The following ZNF585A variants were observed in gnomAD, a reference collection of about 807,000 sequenced individuals.
ZNF585A encodes the protein zinc finger protein 585A.
ZNF585A carries 9 observed loss-of-function variants against 14.9 expected under a neutral mutation model. The ratio of observed to expected loss-of-function variants is 0.60; its 90% CI spans 0.36 to 1.05. ZNF585A has a LOEUF of 1.05. ZNF585A is among the 50% of genes least tolerant of loss of function. The probability of loss-of-function intolerance (pLI) is 0.01; values close to 1 mark genes in which losing one functional copy is unlikely to be tolerated. For synonymous variants in ZNF585A, 276 were observed against 319.9 expected (o/e 0.86, Z 1.46); for missense variants, 726 against 926.4 (o/e 0.78, Z 2.81).
At chr19:37,156,014 C>G (rs1568495038) in intron 3 of ZNF585A, 57 bp from the exon 4 acceptor site, 1 of 1,607,710 alleles carries the variant, frequency 6.2e-7, no homozygotes, top group South Asian at 1.1e-5. Context: ...CAGGGCCCAA[C>G]CAATAATCTC....
At chr19:37,167,223 G>A (rs1005839737) in intron 2 of ZNF585A, among the ~76,000 whole-genome samples, 5 of 152,178 alleles carry the variant, frequency 3.3e-5, no homozygotes, top group Non-Finnish European at 7.3e-5. Context: ...CGCCTGGGCT[G>A]AAGTGCAGTG....
At chr19:37,154,125 A>G (rs1229248708) in intron 4 of ZNF585A, among the ~76,000 whole-genome samples, 2 of 152,216 alleles carry the variant, frequency 1.3e-5, no homozygotes, top group African/African-American at 4.8e-5. Flanking sequence ...ACACAGAGAA[A>G]AGGGTGAGGG....
In ZNF585A at chr19:37,164,159, C is replaced by G. The variant is rs188336145; in HGVS notation, c.72+5680G>C. 2.8e-3 allele frequency among the ~76,000 whole-genome samples: 426 copies of G among 152,264 alleles called. 3 individuals carry two copies. The highest frequency in any genetic ancestry group is 9.8e-3 in the African/African-American group (409 of 41,556). ...AAAGGCCGGGCGTGGTGGCTCATGC[C>G]TATAATCCCAGCACTTTGGGAGGCC... is the stretch of plus-strand genomic sequence containing the variant. On this transcript the variant is annotated intron_variant, in intron 2 of 4. Transcript: ENST00000292841.
chr19:37,160,268 G>A (rs954158169), intron 2 of ZNF585A, among the ~76,000 whole-genome samples: 1 of 151,698 alleles, frequency 6.6e-6, no homozygotes, highest in African/African-American at 2.4e-5. Context: ...TTGAGCCTGG[G>A]AAGGCAGAGG....
At chr19:37,157,604 T>C (rs966380991) in intron 2 of ZNF585A, among the ~76,000 whole-genome samples, 2 of 152,040 alleles carry the variant, frequency 1.3e-5, no homozygotes, top group African/African-American at 4.8e-5. Context: ...AGATACAAAG[T>C]GTAACCCAGA....
intron 2 of ZNF585A, among the ~76,000 whole-genome samples, chr19:37,165,962 T>TC (rs369948497): frequency 1.2e-4 from 18 of 152,240 alleles, no homozygotes; most frequent in African/African-American, 4.1e-4. Flanking sequence ...TGTATAATAT[T>TC]CATTCATGAT....
chr19:37,163,291 T>A (rs910954320), intron 2 of ZNF585A, among the ~76,000 whole-genome samples: 47 of 151,108 alleles, frequency 3.1e-4, no homozygotes, highest in African/African-American at 1.1e-3. Flanking sequence ...TTAAGAAGAA[T>A]ACACTAGAAA....
chr19:37,149,361 A>G lies in ZNF585A; in HGVS notation c.*2228T>C, dbSNP rs1393214039. The G allele has an allele frequency of 6.6e-6, 1 of 152,234 alleles. No homozygotes were observed. The highest frequency in any genetic ancestry group is 1.5e-5 in the Non-Finnish European group (1 of 68,040). 9.4% of individuals were successfully genotyped at this position (152,234 alleles called of 1,614,324 possible). A position where few individuals can be genotyped will look rare whatever the true frequency, so the allele number is the denominator to read the frequency against. On this transcript the variant is annotated 3_prime_UTR_variant, in exon 5 of 5. Transcript: ENST00000292841. ...CGTATATACGGGTATATGCATATAC[A>G]TATACGTAAGTATTATAATATTGTT...
chr19:37,152,852 A>G lies in ZNF585A; in HGVS notation c.1047T>C (p.Ser349=), dbSNP rs148815956. Residue 349 remains serine (S), a synonymous_variant, in exon 5 of 5, where the codon AGT becomes AGC. Coordinates refer to ENST00000292841, the MANE Select transcript of ZNF585A (RefSeq NM_001288800.2). The part of the protein sequence containing the change: ...SNLVTHKKVQ[S]REKSSICTEC... ...CAGTACATATGGAAGATTTCTCTCT[A>G]CTTTGAACTTTCTTATGTGTAACGA... 55 of 1,614,178 alleles carry G rather than the reference A, an allele frequency of 3.4e-5. No homozygotes were observed. The African/African-American group carries it at 5.3e-4, about 16-fold the overall frequency.
rs1207582878 is a variant in ZNF585A at position 37,145,666 on chromosome 19, G to A, written c.*5923C>T. ...AGCACAATTTTTTGTTTTAATAGCA[G>A]CATTCCTTGTTATAATAAATATTAA... On this transcript the variant is annotated 3_prime_UTR_variant, in exon 5 of 5. Transcript: ENST00000292841. 6.6e-6 allele frequency: 1 copy of A among 152,156 alleles called. No individual in the cohort carries two copies. The highest frequency in any genetic ancestry group is 1.5e-5 in the Non-Finnish European group (1 of 68,036). The allele number at this position is 152,156 out of a possible 1,614,324, so 9.4% of individuals were successfully genotyped here.
At chr19:37,155,067 CT>C (rs1971904008) in intron 4 of ZNF585A, among the ~76,000 whole-genome samples, 1 of 144,292 alleles carries the variant, frequency 6.9e-6, no homozygotes, top group South Asian at 2.2e-4. Flanking sequence ...GTGGCGCGAT[CT>C]CGGCTCACTG....
At chr19:37,169,687 GAAGATC>G (rs1480216375) in intron 2 of ZNF585A, among the ~76,000 whole-genome samples, 146 bp downstream of exon 2, 1 of 152,160 alleles carries the variant, frequency 6.6e-6, no homozygotes, top group East Asian at 1.9e-4. Flanking sequence ...TTCTCAACAG[GAAGATC>G]AAGATTTGTT....
At chr19:37,169,575 T>C (rs1020148182) in intron 2 of ZNF585A, among the ~76,000 whole-genome samples, 3 of 152,170 alleles carry the variant, frequency 2.0e-5, no homozygotes, top group African/African-American at 7.2e-5. Context: ...AAGATCAATG[T>C]AGTGTGATGA....
chr19:37,158,140 C>G lies in ZNF585A; in HGVS notation c.73-1785G>C, dbSNP rs547158938. ...TGACCTCACGATCTACCTGCCTCGGCCTCCCAAAGTGGTGGGATTACTGGC... is the reference window on the plus strand; with the variant it reads ...TGACCTCACGATCTACCTGCCTCGGGCTCCCAAAGTGGTGGGATTACTGGC... On this transcript the variant is annotated intron_variant, in intron 2 of 4. Coordinates refer to ENST00000292841, the MANE Select transcript of ZNF585A (RefSeq NM_001288800.2). Among the ~76,000 whole-genome samples the G allele has an allele frequency of 2.6e-5, 4 of 152,214 alleles. No individual in the cohort carries two copies. The East Asian group carries it at 7.8e-4, about 29-fold the overall frequency.
At chr19:37,168,727 C>T (rs1315864793) in intron 2 of ZNF585A, among the ~76,000 whole-genome samples, 8 of 152,178 alleles carry the variant, frequency 5.3e-5, no homozygotes, top group Non-Finnish European at 1.2e-4. Flanking sequence ...TCTACTACAA[C>T]TTACACATGC....
At position 37,151,985 on chromosome 19, in the gene ZNF585A, C is replaced by T. The variant is rs767734496; in HGVS notation, c.1914G>A (p.Glu638=). 6.2e-7 allele frequency: 1 copy of T among 1,614,046 alleles called. No homozygotes were observed. The highest frequency in any genetic ancestry group is 8.5e-7 in the Non-Finnish European group (1 of 1,180,010). Residue 638 remains glutamate (E), a synonymous_variant, in exon 5 of 5, where the codon GAG becomes GAA. Transcript: ENST00000292841. ...HTGEKPYVCA[E]CGKAFSGRSN... ...ACCTGCCACTAAAGGCCTTCCCGCACTCGGCACACACATAGGGTTTCTCTC... is the reference window on the plus strand; with the variant it reads ...ACCTGCCACTAAAGGCCTTCCCGCATTCGGCACACACATAGGGTTTCTCTC...
chr19:37,152,848 C>T lies in ZNF585A; in HGVS notation c.1051G>A (p.Glu351Lys), dbSNP rs766471134. The T allele has an allele frequency of 3.7e-6, 6 of 1,614,064 alleles. No individual in the cohort carries two copies. Among genetic ancestry groups the T allele is most frequent in the Non-Finnish European group, 5.1e-6 (6 of 1,180,054 alleles). The change falls in exon 5 of 5, where the codon GAG (glutamate) becomes AAG (lysine). Residue 351 changes from glutamate to lysine, a missense_variant. By Grantham distance (56) the Glu-to-Lys change is moderately conservative (BLOSUM62 1). Transcript: ENST00000292841. ...CACTCAGTACATATGGAAGATTTCT[C>T]TCTACTTTGAACTTTCTTATGTGTA... is the stretch of plus-strand genomic sequence containing the variant. ...LVTHKKVQSR[E>K]KSSICTECGK...
chr19:37,158,782 T>C (rs1971968785), intron 2 of ZNF585A, among the ~76,000 whole-genome samples: 1 of 152,212 alleles, frequency 6.6e-6, no homozygotes, highest in African/African-American at 2.4e-5. Context: ...AAGGAATTAC[T>C]GTTATTTTGT....
intron 2 of ZNF585A, among the ~76,000 whole-genome samples, chr19:37,159,446 G>C (rs1202842854): frequency 2.6e-5 from 4 of 152,030 alleles, no homozygotes; most frequent in African/African-American, 9.7e-5. Context: ...ACAATGAAAG[G>C]AATGCCTATT....
Sources: gnomAD v4.1 joint callset for allele counts (sites outside exome capture counted in the v4.1 genomes callset) on GRCh38, gnomAD v4.1.1 for gene constraint, MANE v1.5 for transcripts, NCBI Gene and HGNC (gene_info 2026-07-23, HGNC 2026-07-21) for gene names.